Variants in DPY19L3 observed in about 807,000 individuals in gnomAD.
The protein encoded by DPY19L3 is dpy-19 like C-mannosyltransferase 3.
In DPY19L3, 51 loss-of-function variants were observed where a neutral mutation model predicts 92.3. The ratio of observed to expected loss-of-function variants is 0.55; its 90% CI spans 0.44 to 0.70. DPY19L3 has a LOEUF of 0.70. Among genes scored for constraint, DPY19L3 ranks in the 30% least tolerant of loss-of-function variants. The pLI is 0.00. For missense variants in DPY19L3, 706 were observed against 855.9 expected (o/e 0.82, Z 2.18); for synonymous variants, 309 against 315.2 (o/e 0.98, Z 0.21).
chr19:32,439,832 A>G lies in DPY19L3; in HGVS notation c.777A>G (p.Gln259=), dbSNP rs138829213. The change falls in exon 8 of 19, where the codon CAA becomes CAG. Residue 259 remains glutamine, a synonymous_variant. Transcript: ENST00000392250. The part of the protein sequence containing the change: ...ISTFLFSLTW[Q]FNQFMMLMQA... ...CTTTTCTCTTTAGTCTGACATGGCA[A>G]TTTAATCAATTTATGATGCTGATGC... The G allele has an allele frequency of 4.4e-5, 71 of 1,613,764 alleles. No individual in the cohort carries two copies. The highest frequency in any genetic ancestry group is 2.4e-4 in the African/African-American group (18 of 74,894).
intron 12 of DPY19L3, among the ~76,000 whole-genome samples, 168 bp downstream of exon 12, chr19:32,458,677 A>G (rs1030003740): frequency 1.3e-5 from 2 of 152,220 alleles, no homozygotes; most frequent in Non-Finnish European, 2.9e-5. Context: ...GTTAGGAGAC[A>G]ACAGAGTAAT....
intron 8 of DPY19L3, among the ~76,000 whole-genome samples, chr19:32,447,062 A>C (rs748460963): frequency 8.5e-5 from 13 of 152,358 alleles, no homozygotes; most frequent in Non-Finnish European, 1.6e-4. Context: ...ATAACAGGAA[A>C]TGTTTCAATA....
Position 32,439,924 on chromosome 19 carries a change from T to C in DPY19L3, c.855+14T>C. The stretch of plus-strand genomic sequence containing the variant: ...CCAGCAGTGAAGGTGAGCTTTGCTT[T>C]CTTTTCTCACTTGAGATTTTGGCCA... On this transcript the variant is annotated intron_variant, in intron 8 of 18. Coordinates refer to ENST00000392250, the MANE Select transcript of DPY19L3 (RefSeq NM_001172774.2). The C allele has an allele frequency of 1.2e-6, 2 of 1,610,762 alleles. No homozygotes were observed.
intron 3 of DPY19L3, among the ~76,000 whole-genome samples, chr19:32,428,821 G>GT (rs144012951): frequency 0.56 from 82,270 of 146,046 alleles, 23,458 homozygotes; most frequent in East Asian, 0.63. Flanking sequence ...TAGCTGTACA[G>GT]TTTTTTTTTT....
chr19:32,419,984 C>T (rs905431143), intron 3 of DPY19L3, among the ~76,000 whole-genome samples: 3 of 151,396 alleles, frequency 2.0e-5, no homozygotes, highest in Non-Finnish European at 2.9e-5. Flanking sequence ...CTCAGCCTCC[C>T]GAGTAACTGG....
At chr19:32,406,186 C>T (rs1305522318) in intron 1 of DPY19L3, 1 of 151,990 alleles carries the variant, frequency 6.6e-6, no homozygotes, top group African/African-American at 2.4e-5. Flanking sequence ...GGCTGCGACC[C>T]CGGCGGCCGC....
chr19:32,438,261 A>G (rs911515407), intron 6 of DPY19L3, among the ~76,000 whole-genome samples: 22 of 152,150 alleles, frequency 1.4e-4, no homozygotes, highest in African/African-American at 5.1e-4. Flanking sequence ...ACGTGTTATG[A>G]CAGTCCTGTT....
intron 8 of DPY19L3, among the ~76,000 whole-genome samples, chr19:32,451,884 G>A (rs1336555921): frequency 6.6e-6 from 1 of 152,126 alleles, no homozygotes; most frequent in Non-Finnish European, 1.5e-5. Context: ...GCCCAGGCTG[G>A]AATGGAGTGG....
At chr19:32,435,219 C>A (rs1336323808) in intron 4 of DPY19L3, among the ~76,000 whole-genome samples, 2 of 152,220 alleles carry the variant, frequency 1.3e-5, no homozygotes, top group Non-Finnish European at 2.9e-5. Flanking sequence ...CCAGTCCTAT[C>A]AGATTAAGAC....
rs755273609 is a variant in DPY19L3 at position 32,484,401 on chromosome 19, C to T, written c.*2161C>T. The stretch of plus-strand genomic sequence containing the variant: ...GCAAAGAAGAGCATCTGACTTCTAG[C>T]TCTGGCTTACAGCCTCTCTACCAGG... On this transcript the variant is annotated 3_prime_UTR_variant, in exon 19 of 19. Coordinates refer to ENST00000392250, the MANE Select transcript of DPY19L3 (RefSeq NM_001172774.2). 6.6e-6 allele frequency: 1 copy of T among 152,232 alleles called. No individual in the cohort carries two copies. The highest frequency in any genetic ancestry group is 1.5e-5 in the Non-Finnish European group (1 of 68,042). 9.4% of individuals were successfully genotyped at this position (152,232 alleles called of 1,614,324 possible).
chr19:32,470,866 C>G (rs1970338949), intron 16 of DPY19L3, among the ~76,000 whole-genome samples: 1 of 129,052 alleles, frequency 7.7e-6, no homozygotes, highest in Non-Finnish European at 1.6e-5. Flanking sequence ...GTGATCTAGT[C>G]TCAGCTTTTT....
chr19:32,408,569 CTGTT>C lies in DPY19L3; in HGVS notation c.103+214_103+217del, dbSNP rs1968064517. ...TTGATTAGAAGTGTTTGTCAGCTGT[CTGTT>C]CATTAACTTACGGTTCTTCCAATCT... is the stretch of plus-strand genomic sequence containing the variant. On this transcript the variant is annotated intron_variant, in intron 2 of 18. Transcript: ENST00000392250. 2.6e-5 allele frequency among the ~76,000 whole-genome samples: 4 copies of C among 152,260 alleles called. No individual in the cohort carries two copies. In the South Asian group the frequency reaches 8.3e-4, roughly 32 times the overall value.
At chr19:32,415,657 T>C (rs1197357861) in intron 3 of DPY19L3, among the ~76,000 whole-genome samples, 1 of 152,212 alleles carries the variant, frequency 6.6e-6, no homozygotes, top group Non-Finnish European at 1.5e-5. Context: ...AGAGCAAAAC[T>C]AAAGTCAGGA....
At position 32,477,564 on chromosome 19, in the gene DPY19L3, G is replaced by A. The variant is rs2145636456; in HGVS notation, c.1740G>A (p.Gln580=). 6.2e-7 allele frequency: 1 copy of A among 1,614,174 alleles called. No individual in the cohort carries two copies. Among genetic ancestry groups the A allele is most frequent in the Non-Finnish European group, 8.5e-7 (1 of 1,180,046 alleles). The part of the protein sequence containing the change: ...PRKAVFAGSM[Q]LLAGVKLCTG... Reference sequence around the variant, plus strand: ...AGGCTGTGTTTGCGGGAAGCATGCAGTTGCTGGCCGGAGTCAAGCTGTGCA... The same window carrying A: ...AGGCTGTGTTTGCGGGAAGCATGCAATTGCTGGCCGGAGTCAAGCTGTGCA... Residue 580 remains glutamine (Q), a synonymous_variant, in exon 17 of 19, where the codon CAG becomes CAA. Transcript: ENST00000392250.
At position 32,453,005 on chromosome 19, in the gene DPY19L3, C is replaced by T. The variant is rs1402573669; in HGVS notation, c.856-140C>T. 12 of 1,027,990 alleles carry T rather than the reference C, an allele frequency of 1.2e-5. No individual in the cohort carries two copies. In the East Asian group the frequency reaches 2.8e-4, roughly 24 times the overall value. The allele number at this position is 1,027,990 out of a possible 1,614,324, so 63.7% of individuals were successfully genotyped here. On this transcript the variant is annotated intron_variant, in intron 8 of 18. Coordinates refer to ENST00000392250, the MANE Select transcript of DPY19L3 (RefSeq NM_001172774.2). ...TACAGATGTGAGCCACCGCGCCTGGCCTAGATTGTGTTTCTTGAATCTACA... is the reference window on the plus strand; with the variant it reads ...TACAGATGTGAGCCACCGCGCCTGGTCTAGATTGTGTTTCTTGAATCTACA...
intron 18 of DPY19L3, chr19:32,481,848 C>T (rs994300455): frequency 1.4e-5 from 7 of 490,628 alleles, no homozygotes; most frequent in South Asian, 6.4e-5. Flanking sequence ...CTGGCTTTCC[C>T]GTTAATGGGA....
In DPY19L3 at chr19:32,408,280, A is replaced by C; in HGVS notation, c.27A>C (p.Glu9Asp). The change falls in exon 2 of 19, where the codon GAA (glutamate) becomes GAC (aspartate). Residue 9 changes from glutamate (E) to aspartate (D), a missense_variant. Coordinates refer to ENST00000392250, the MANE Select transcript of DPY19L3 (RefSeq NM_001172774.2). MMSIRQRR[E>D]IRATEVSEDF... Reference sequence around the variant, plus strand: ...TGATGTCCATCCGGCAAAGAAGAGAAATAAGAGCCACAGAAGTTTCTGAAG... The same window carrying C: ...TGATGTCCATCCGGCAAAGAAGAGACATAAGAGCCACAGAAGTTTCTGAAG... 1 of 1,613,464 alleles carries C rather than the reference A, an allele frequency of 6.2e-7. No individual in the cohort carries two copies. Among genetic ancestry groups the C allele is most frequent in the Non-Finnish European group, 8.5e-7 (1 of 1,179,936 alleles).
intron 3 of DPY19L3, among the ~76,000 whole-genome samples, chr19:32,426,830 T>G (rs536237543): frequency 8.5e-5 from 13 of 152,352 alleles, no homozygotes; most frequent in Admixed American, 7.2e-4. Context: ...CAATAGCTGT[T>G]GCAGAAATGG....
In DPY19L3 at chr19:32,405,864, C is replaced by G. The variant is rs1421831171; in HGVS notation, c.-83C>G. Reference sequence around the variant, plus strand: ...CCCGTTCCCGCCTAGCCCCGTCGGCCTCCTTCCCCTCCCGGAGCCGCGCGT... The same window carrying G: ...CCCGTTCCCGCCTAGCCCCGTCGGCGTCCTTCCCCTCCCGGAGCCGCGCGT... On this transcript the variant is annotated 5_prime_UTR_variant, in exon 1 of 19. Coordinates refer to ENST00000392250, the MANE Select transcript of DPY19L3 (RefSeq NM_001172774.2). 1 of 152,108 alleles carries G rather than the reference C, an allele frequency of 6.6e-6. No individual in the cohort carries two copies. The highest frequency in any genetic ancestry group is 1.5e-5 in the Non-Finnish European group (1 of 68,072). The allele number at this position is 152,108 out of a possible 1,614,324, so 9.4% of individuals were successfully genotyped here. A position where few individuals can be genotyped will look rare whatever the true frequency, so the allele number is the denominator to read the frequency against.
Sources: allele counts gnomAD v4.1 joint callset (sites outside exome capture counted in the v4.1 genomes callset), GRCh38; gene constraint gnomAD v4.1.1; transcripts MANE v1.5; gene names NCBI Gene and HGNC (gene_info 2026-07-23, HGNC 2026-07-21).